UGT2B11: variants seen among roughly 807,000 people sequenced by gnomAD.
UGT2B11 encodes the protein UDP glucuronosyltransferase family 2 member B11, also known as UDP-glucuronosyltransferase 2B11.
A neutral mutation model predicts 51.7 loss-of-function variants in UGT2B11; 49 were observed. That is an observed-to-expected ratio of 0.95 (90% CI 0.75 to 1.20). The LOEUF is 1.20. UGT2B11 is among the 50% of genes most tolerant of loss of function. UGT2B11 has a pLI of 0.00. For synonymous variants in UGT2B11, 273 were observed against 209.0 expected, an observed-to-expected ratio of 1.31 and a Z score of -2.64; for missense variants, 810 against 622.1, an observed-to-expected ratio of 1.30 and a Z score of -3.21.
intron 1 of UGT2B11, among the ~76,000 whole-genome samples, chr4:69,213,045 G>C (rs1222953044): frequency 6.6e-6 from 1 of 151,258 alleles, no homozygotes; most frequent in Non-Finnish European, 1.5e-5. Context: ...GTTGCATATA[G>C]ATATTTAAAC....
chr4:69,201,386 T>G (rs1284933693), intron 5 of UGT2B11: 1 of 151,920 alleles, frequency 6.6e-6, no homozygotes, highest in Non-Finnish European at 1.5e-5. Context: ...GAAATTAATG[T>G]CAGACTATGG....
rs186515474 is a variant in UGT2B11, at chr4:69,207,071, T to A, written c.1002+1280A>T. On this transcript the variant is annotated intron_variant, in intron 3 of 5. Coordinates refer to ENST00000446444, the MANE Select transcript of UGT2B11 (RefSeq NM_001073.3). Reference sequence around the variant, plus strand: ...ATTACCATTATTGTTAATTTTGGATTTTTTTTTGGCCTAGAAATGAGGAAC... The same window carrying A: ...ATTACCATTATTGTTAATTTTGGATATTTTTTTGGCCTAGAAATGAGGAAC... Among the ~76,000 whole-genome samples the A allele has an allele frequency of 2.2e-5, 3 of 138,364 alleles. No individual in the cohort carries two copies. The East Asian group carries it at 9.1e-4, about 42-fold the overall frequency. 90.8% of individuals were successfully genotyped at this position (138,364 alleles called of 152,430 possible).
the UGT2B11 span, among the ~76,000 whole-genome samples, chr4:69,221,148 T>G: frequency 1.3e-5 from 2 of 152,120 alleles, no homozygotes; most frequent in Non-Finnish European, 2.9e-5. Context: ...GCACAGTTCT[T>G]TCGGAGTGCC....
At chr4:69,219,500 G>A (rs755256943), upstream of UGT2B11, among the ~76,000 whole-genome samples, 55 of 151,918 alleles carry the variant, frequency 3.6e-4, no homozygotes, top group Non-Finnish European at 7.8e-4. Context: ...TTATGATACT[G>A]TACTAGCGTT....
At chr4:69,209,219 G>T (rs567186788) in intron 2 of UGT2B11, among the ~76,000 whole-genome samples, 1 of 151,744 alleles carries the variant, frequency 6.6e-6, no homozygotes, top group East Asian at 2.0e-4. Flanking sequence ...TTGAATAATT[G>T]TACCTTTTGG....
chr4:69,211,714 C>T (rs1342571044), intron 2 of UGT2B11, among the ~76,000 whole-genome samples: 1 of 151,538 alleles, frequency 6.6e-6, no homozygotes, highest in Non-Finnish European at 1.5e-5. Flanking sequence ...CATCTGTTAC[C>T]TGAATCCATG....
rs1721765903 is a variant in UGT2B11 at position 69,204,262 on chromosome 4, C to T, written c.1310+168G>A. ...ACTCATTAGATGTATGGGATTCAAA[C>T]ACAATTTTTAAATAATAGATGATAA... On this transcript the variant is annotated intron_variant, in intron 5 of 5. Transcript: ENST00000446444. The T allele has an allele frequency of 1.1e-5, 13 of 1,153,760 alleles. No homozygotes were observed. The South Asian group carries it at 1.5e-4, about 13-fold the overall frequency. 71.5% of individuals were successfully genotyped at this position (1,153,760 alleles called of 1,614,324 possible).
intron 5 of UGT2B11, chr4:69,204,190 T>A (rs1221583245): frequency 1.0e-5 from 4 of 394,332 alleles, no homozygotes; most frequent in Admixed American, 4.2e-5. Flanking sequence ...ATTATCTATA[T>A]CATTTTAAAA....
At chr4:69,200,902 C>G (rs1426458927) in intron 5 of UGT2B11, among the ~76,000 whole-genome samples, 183 bp from the exon 6 acceptor site, 1 of 151,216 alleles carries the variant, frequency 6.6e-6, no homozygotes, top group Admixed American at 6.6e-5. Context: ...GGACTTTTCT[C>G]ATTGACAAAC....
chr4:69,213,527 T>C (rs1170099989), intron 1 of UGT2B11, among the ~76,000 whole-genome samples: 5 of 151,784 alleles, frequency 3.3e-5, no homozygotes, highest in African/African-American at 4.8e-5. Flanking sequence ...CTCTCTCTAC[T>C]GTGAAGGAAA....
At chr4:69,201,528 A>C (rs1481230531) in intron 5 of UGT2B11, among the ~76,000 whole-genome samples, 1 of 151,786 alleles carries the variant, frequency 6.6e-6, no homozygotes, top group Non-Finnish European at 1.5e-5. Flanking sequence ...TCCTCTGCAC[A>C]CTGTCTTCTA....
chr4:69,206,429 C>A (rs1323834943), intron 3 of UGT2B11, among the ~76,000 whole-genome samples: 1 of 151,518 alleles, frequency 6.6e-6, no homozygotes, highest in Non-Finnish European at 1.5e-5. Context: ...AAGATGAGAA[C>A]ACGTGGACAC....
At chr4:69,215,354 C>A (rs182502140), upstream of UGT2B11, 6 of 152,044 alleles carry the variant, frequency 3.9e-5, no homozygotes, top group Non-Finnish European at 7.4e-5. Context: ...TATTCAGGAT[C>A]TTTTTAAAAG....
the UGT2B11 span, among the ~76,000 whole-genome samples, chr4:69,222,715 T>C: frequency 6.1e-3 from 934 of 152,336 alleles, 8 homozygotes; most frequent in African/African-American, 0.021. Context: ...AGGACATCTA[T>C]ACAGTCATCA....
intron 3 of UGT2B11, 46 bp downstream of exon 3, chr4:69,208,305 A>G: frequency 6.2e-7 from 1 of 1,604,658 alleles, no homozygotes; most frequent in Non-Finnish European, 8.5e-7. Flanking sequence ...AAACATTAAC[A>G]GCCTCTTTCA....
chr4:69,211,644 C>T (rs1722068249), intron 2 of UGT2B11, among the ~76,000 whole-genome samples: 1 of 151,480 alleles, frequency 6.6e-6, no homozygotes, highest in African/African-American at 2.4e-5. Context: ...ATGAAGTTGG[C>T]ACTATTTCTG....
At chr4:69,206,203 A>G (rs1721850130) in intron 3 of UGT2B11, among the ~76,000 whole-genome samples, 1 of 151,588 alleles carries the variant, frequency 6.6e-6, no homozygotes, top group East Asian at 2.0e-4. Context: ...TATTCACAAT[A>G]GCAAGGACAT....
chr4:69,205,224 C>A (rs925004709), intron 4 of UGT2B11, among the ~76,000 whole-genome samples: 4 of 151,516 alleles, frequency 2.6e-5, no homozygotes, highest in African/African-American at 4.8e-5. Context: ...AGAGACAGCC[C>A]AGGAAGATAT....
chr4:69,205,667 G>A (rs979001803), intron 3 of UGT2B11, 100 bp from the exon 4 acceptor site: 3 of 1,304,100 alleles, frequency 2.3e-6, no homozygotes, highest in African/African-American at 1.5e-5. Flanking sequence ...AGGGATGTTA[G>A]TAAATAAATC....
Sources: allele counts gnomAD v4.1 joint callset (sites outside exome capture counted in the v4.1 genomes callset), GRCh38; gene constraint gnomAD v4.1.1; transcripts MANE v1.5; gene names NCBI Gene and HGNC (gene_info 2026-07-23, HGNC 2026-07-21).